DOK3: variants seen among roughly 807,000 people sequenced by gnomAD.
DOK3 encodes docking protein 3, also known as Dok-like protein.
Under a neutral mutation model 26.2 loss-of-function variants are expected in DOK3, and 23 were observed. That is an observed-to-expected ratio of 0.88 (90% CI 0.63 to 1.24). DOK3 has a LOEUF of 1.24. DOK3 is among the 50% of genes most tolerant of loss of function. The pLI, the probability that DOK3 is intolerant of heterozygous loss-of-function variation, is 0.00. For synonymous variants in DOK3, 268 were observed against 268.2 expected, an observed-to-expected ratio of 1.00 and a Z score of 0.01; for missense variants, 619 against 610.6, an observed-to-expected ratio of 1.01 and a Z score of -0.15.
chr5:177,502,954 T>C lies in DOK3; in HGVS notation c.*1029A>G, dbSNP rs1256752410. ...TAGGCAGGGGCGGTACTGGCCGCAC[T>C]AAAGGAAGTGAGCTGGAAGGAGGTG... On this transcript the variant is annotated 3_prime_UTR_variant, in exon 6 of 6. Transcript: ENST00000510898. 1.6e-6 allele frequency: 2 copies of C among 1,222,946 alleles called. No homozygotes were observed. The highest frequency in any genetic ancestry group is 2.3e-6 in the Non-Finnish European group (2 of 887,174). The allele number at this position is 1,222,946 out of a possible 1,614,324, so 75.8% of individuals were successfully genotyped here.
rs766103423 is a variant in DOK3 at position 177,504,749 on chromosome 5, G to A, written c.639C>T (p.Ser213=). Residue 213 remains serine (S), a synonymous_variant, in exon 5 of 6, where the codon TCC becomes TCT. Transcript: ENST00000510898. The part of the protein sequence containing the change: ...WPYHFLRKFG[S]DKGVFSFEAG... ...TCCCACCCCTGCACCTCACCTTGTCGGAGCCGAACTTGCGCAGGAAGTGGT... is the reference window on the plus strand; with the variant it reads ...TCCCACCCCTGCACCTCACCTTGTCAGAGCCGAACTTGCGCAGGAAGTGGT... The A allele has an allele frequency of 1.9e-5, 31 of 1,613,944 alleles. No individual in the cohort carries two copies. The highest frequency in any genetic ancestry group is 4.0e-5 in the African/African-American group (3 of 74,940).
chr5:177,508,148 G>C (rs952079142), intron 3 of DOK3, 89 bp downstream of exon 3: 2 of 1,365,344 alleles, frequency 1.5e-6, no homozygotes, highest in African/African-American at 2.9e-5. Flanking sequence ...GCTCGGTGGA[G>C]CTTGCTGGGT....
At chr5:177,508,814 G>A (rs187168025) in intron 2 of DOK3, 42 of 399,748 alleles carry the variant, frequency 1.1e-4, no homozygotes, top group African/African-American at 7.3e-4. Flanking sequence ...ACTGCTACTG[G>A]GTCATGTTTG....
At position 177,503,839 on chromosome 5, in the gene DOK3, G is replaced by A. The variant is rs967365105; in HGVS notation, c.*144C>T. The A allele has an allele frequency of 8.4e-6, 12 of 1,434,898 alleles. No homozygotes were observed. The Admixed American group carries it at 3.4e-4, about 41-fold the overall frequency. The allele number at this position is 1,434,898 out of a possible 1,614,324, so 88.9% of individuals were successfully genotyped here. A position where few individuals can be genotyped will look rare whatever the true frequency, so the allele number is the denominator to read the frequency against. ...ATGAGGAGGGCAGGGCAGGGCTGAG[G>A]TCCTCCACAGGCGGCCTGCCTTGTT... On this transcript the variant is annotated 3_prime_UTR_variant, in exon 6 of 6. Coordinates refer to ENST00000510898, the MANE Select transcript of DOK3 (RefSeq NM_001308236.3).
rs765257666 is a variant in DOK3 at position 177,504,271 on chromosome 5, C to G, written c.1035G>C (p.Leu345=). 6.2e-7 allele frequency: 1 copy of G among 1,609,780 alleles called. No homozygotes were observed. Among genetic ancestry groups the G allele is most frequent in the Admixed American group, 1.7e-5 (1 of 59,400 alleles). ...GCGTGGGGCTGGCCTCCAGCACACA[C>G]AGGTTCTCATAGAGGTGCTCATTGC... The part of the protein sequence containing the change: ...PPGNEHLYEN[L]CVLEASPTLH... Residue 345 remains leucine (L), a synonymous_variant, in exon 6 of 6, where the codon CTG becomes CTC. Transcript: ENST00000510898.
upstream of DOK3, chr5:177,509,845 C>T (rs764296074): frequency 6.9e-5 from 111 of 1,610,888 alleles, no homozygotes; most frequent in East Asian, 6.7e-4. Flanking sequence ...TCTGGCTCCC[C>T]GAGTCATGAG....
intron 3 of DOK3, among the ~76,000 whole-genome samples, 159 bp from the exon 4 acceptor site, chr5:177,505,269 G>A (rs1012699415): frequency 5.3e-5 from 8 of 152,168 alleles, no homozygotes; most frequent in Non-Finnish European, 1.0e-4. Flanking sequence ...GTCCCCTTCC[G>A]AGCCTGTTCT....
rs163011 is a variant in DOK3, at chr5:177,502,518, T to C, written c.*1465A>G. ...CACAGCTGGGGACAGACACTGTTTC[T>C]ACTGTAGGGGTAGGAAGAAGACAGA... On this transcript the variant is annotated 3_prime_UTR_variant, in exon 6 of 6. Transcript: ENST00000510898. 0.024 allele frequency: 3,645 copies of C among 154,998 alleles called. 67 individuals carry two copies. The highest frequency in any genetic ancestry group is 0.041 in the Middle Eastern group (12 of 296). The allele number at this position is 154,998 out of a possible 1,614,324, so 9.6% of individuals were successfully genotyped here. A position where few individuals can be genotyped will look rare whatever the true frequency, so the allele number is the denominator to read the frequency against.
At chr5:177,505,439 C>G (rs115525301) in intron 3 of DOK3, among the ~76,000 whole-genome samples, 2,634 of 152,262 alleles carry the variant, frequency 0.017, 42 homozygotes, top group Non-Finnish European at 0.028. Flanking sequence ...AGAGCAGTAC[C>G]CCAGGTGTCT....
Position 177,509,542 on chromosome 5 carries a change from G to A in DOK3, c.-2C>T. ...GATAGGGGTCTCCAGAGGGTCCATGGTCACGGCCAGGAGCAGGGCCGCCGC... is the reference window on the plus strand; with the variant it reads ...GATAGGGGTCTCCAGAGGGTCCATGATCACGGCCAGGAGCAGGGCCGCCGC... On this transcript the variant is annotated 5_prime_UTR_variant, in exon 2 of 6. Transcript: ENST00000510898. 11 of 1,610,544 alleles carry A rather than the reference G, an allele frequency of 6.8e-6. No individual in the cohort carries two copies. The highest frequency in any genetic ancestry group is 1.3e-5 in the African/African-American group (1 of 74,898).
At chr5:177,509,265 A>T in intron 2 of DOK3, 1 of 553,202 alleles carries the variant, frequency 1.8e-6, no homozygotes, top group Non-Finnish European at 3.1e-6. Flanking sequence ...TCTCTCCCGG[A>T]GGCAGGGTCT....
In DOK3 at chr5:177,503,779, C is replaced by G. The variant is rs77426547; in HGVS notation, c.*204G>C. 1,585 of 1,424,080 alleles carry G rather than the reference C, an allele frequency of 1.1e-3. 16 individuals are homozygous for G. The African/African-American group carries it at 0.021, about 19-fold the overall frequency. 88.2% of individuals were successfully genotyped at this position (1,424,080 alleles called of 1,614,324 possible). A position where few individuals can be genotyped will look rare whatever the true frequency, so the allele number is the denominator to read the frequency against. ...GTGAGTGCCCCTGCCGGGAGCTGCTCTGAGCTTTATTATCTGTGAGTCTGC... is the reference window on the plus strand; with the variant it reads ...GTGAGTGCCCCTGCCGGGAGCTGCTGTGAGCTTTATTATCTGTGAGTCTGC... On this transcript the variant is annotated 3_prime_UTR_variant, in exon 6 of 6. Coordinates refer to ENST00000510898, the MANE Select transcript of DOK3 (RefSeq NM_001308236.3).
Position 177,504,511 on chromosome 5 carries a change from C to T in DOK3, c.795G>A (p.Gln265=), listed in dbSNP as rs61737775. 4 of 1,588,982 alleles carry T rather than the reference C, an allele frequency of 2.5e-6. No individual in the cohort carries two copies. The highest frequency in any genetic ancestry group is 8.5e-7 in the Non-Finnish European group (1 of 1,171,012). ...AGGTGGCCCGTGGCAGGGGGCAGGG[C>T]TGGGGCCTGGTCAGCTCTGGCAGCC... ...RERLPELTRP[Q]PCPLPRATSL... Residue 265 remains glutamine (Q), a synonymous_variant, in exon 6 of 6, where the codon CAG becomes CAA. Transcript: ENST00000510898.
rs1241423062 is a variant in DOK3, at chr5:177,509,471, C to G, written c.66+4G>C. The G allele has an allele frequency of 6.2e-7, 1 of 1,606,660 alleles. No individual in the cohort carries two copies. The highest frequency in any genetic ancestry group is 1.1e-5 in the South Asian group (1 of 90,064). On this transcript the variant is annotated splice_donor_region_variant and intron_variant, in intron 2 of 5. Transcript: ENST00000510898. ...GCAGCTGCCTGGCAGCCAGGGGTCC[C>G]CACCTTGCCAAACTTGACATGCTGC...
intron 3 of DOK3, 108 bp downstream of exon 3, chr5:177,508,129 C>T (rs1581791072): frequency 1.5e-6 from 2 of 1,302,382 alleles, no homozygotes; most frequent in South Asian, 1.7e-5. Flanking sequence ...TTTTCCCAGG[C>T]TTGTAGGTGC....
At chr5:177,505,539 CCT>C (rs1450933554) in intron 3 of DOK3, among the ~76,000 whole-genome samples, 1 of 152,192 alleles carries the variant, frequency 6.6e-6, no homozygotes, top group Non-Finnish European at 1.5e-5. Context: ...CAGCATGTCC[CCT>C]GTGCTCTTTC....
rs777844888 is a variant in DOK3, at chr5:177,504,548, C to T, written c.758G>A (p.Arg253His). The T allele has an allele frequency of 3.5e-5, 55 of 1,592,276 alleles. No individual in the cohort carries two copies. The highest frequency in any genetic ancestry group is 9.4e-5 in the African/African-American group (7 of 74,622). Residue 253 changes from arginine to histidine, a missense_variant, in exon 6 of 6, where the codon CGC (arginine) becomes CAC (histidine). Physicochemically the swap from Arg to His is conservative, Grantham distance 29. Transcript: ENST00000510898. ...LCRAVAGAIA[R>H]QRERLPELTR... Reference sequence around the variant, plus strand: ...CAGCTCTGGCAGCCGCTCCCGCTGGCGGGCGATGGCCCCGGCCACAGCCCT... The same window carrying T: ...CAGCTCTGGCAGCCGCTCCCGCTGGTGGGCGATGGCCCCGGCCACAGCCCT...
In DOK3 at chr5:177,505,027, G is replaced by A; in HGVS notation, c.456C>T (p.Tyr152=). Residue 152 remains tyrosine (Y), a synonymous_variant, in exon 4 of 6, where the codon TAC becomes TAT. Transcript: ENST00000510898. ...GLVPMEENSI[Y]SSWQEVGEFP... ...CCAACTTACCTTCCTGCCAGGAGGA[G>A]TAGATGGAGTTTTCCTCCATGGGGA... is the stretch of plus-strand genomic sequence containing the variant. 6.2e-7 allele frequency: 1 copy of A among 1,610,654 alleles called. No homozygotes were observed. Among genetic ancestry groups the A allele is most frequent in the Non-Finnish European group, 8.5e-7 (1 of 1,178,434 alleles).
intron 2 of DOK3, 21 bp downstream of exon 2, chr5:177,509,454 C>G: frequency 6.3e-7 from 1 of 1,596,088 alleles, no homozygotes. Context: ...TGGCAGCTGC[C>G]TGGCAGCCAG....
Sources: allele counts gnomAD v4.1 joint callset (sites outside exome capture counted in the v4.1 genomes callset), GRCh38; gene constraint gnomAD v4.1.1; transcripts MANE v1.5; gene names NCBI Gene and HGNC (gene_info 2026-07-23, HGNC 2026-07-21).